TRPV3: variants seen among roughly 807,000 people sequenced by gnomAD.
The protein encoded by TRPV3 is transient receptor potential cation channel subfamily V member 3.
A neutral mutation model predicts 87.1 loss-of-function variants in TRPV3; 88 were observed. That is an observed-to-expected ratio of 1.01 (90% CI 0.85 to 1.21). The LOEUF (loss-of-function observed/expected upper bound fraction) is 1.21, where lower values mean the gene tolerates loss of function less well. Among genes scored for constraint, TRPV3 ranks in the 50% most tolerant of loss-of-function variants. TRPV3 has a pLI of 0.00. For missense variants in TRPV3, 1,054 were observed against 1,030.1 expected, an observed-to-expected ratio of 1.02 and a Z score of -0.32; for synonymous variants, 438 against 423.3, an observed-to-expected ratio of 1.03 and a Z score of -0.43.
rs1239185787 is a variant in TRPV3, at chr17:3,556,186, G to A, written c.-2-1334C>T. 1.1e-4 allele frequency among the ~76,000 whole-genome samples: 15 copies of A among 139,758 alleles called. No individual in the cohort carries two copies. Among genetic ancestry groups the A allele is most frequent in the South Asian group, 2.3e-4 (1 of 4,422 alleles). The allele number at this position is 139,758 out of a possible 152,430, so 91.7% of individuals were successfully genotyped here. On this transcript the variant is annotated intron_variant, in intron 1 of 17. Transcript: ENST00000576742. The surrounding 1 kb of genome is among the most constrained non-coding windows in gnomAD (Gnocchi z 4.2). ...AGCGAGACTCCGTCTCAAAAAAAATGAAAAAAAAAAAAAATAAAGTTTTTA... is the reference window on the plus strand; with the variant it reads ...AGCGAGACTCCGTCTCAAAAAAAATAAAAAAAAAAAAAAATAAAGTTTTTA...
intron 7 of TRPV3, 137 bp from the exon 8 acceptor site, chr17:3,533,074 T>G: frequency 3.0e-6 from 3 of 998,462 alleles, no homozygotes; most frequent in Non-Finnish European, 4.4e-6. Context: ...CATCTTCCGC[T>G]TCTACGGGGA....
At chr17:3,537,050 G>C (rs1055640473) in intron 6 of TRPV3, among the ~76,000 whole-genome samples, 1 of 152,174 alleles carries the variant, frequency 6.6e-6, no homozygotes, top group East Asian at 1.9e-4. Flanking sequence ...GATCCAAAAG[G>C]CAGAAACCAT....
At position 3,516,456 on chromosome 17, in the gene TRPV3, C is replaced by T; in HGVS notation, c.2198+1G>A. 4 of 1,613,558 alleles carry T rather than the reference C, an allele frequency of 2.5e-6. No individual in the cohort carries two copies. Among genetic ancestry groups the T allele is most frequent in the Non-Finnish European group, 3.4e-6 (4 of 1,179,496 alleles). On this transcript the variant is annotated splice_donor_variant, in intron 16 of 17. Coordinates refer to ENST00000576742, the MANE Select transcript of TRPV3 (RefSeq NM_145068.4). LOFTEE classifies it high-confidence loss of function. ...CCCCAGGGCCCTTCTCCCTTTGTTA[C>T]CGCAAACACAGTCGGAAATCATCCT... is the stretch of plus-strand genomic sequence containing the variant.
intron 4 of TRPV3, 84 bp downstream of exon 4, chr17:3,544,495 C>T: frequency 1.2e-6 from 1 of 826,118 alleles, no homozygotes; most frequent in East Asian, 2.8e-5. Flanking sequence ...ATTCTTTCTC[C>T]TTCCTGCAGG....
At chr17:3,527,240 C>T (rs1035037876) in intron 11 of TRPV3, among the ~76,000 whole-genome samples, 39 of 152,194 alleles carry the variant, frequency 2.6e-4, no homozygotes, top group African/African-American at 9.4e-4. Flanking sequence ...GTTCCAGCCT[C>T]CGAGCCTTTG....
intron 7 of TRPV3, among the ~76,000 whole-genome samples, chr17:3,534,492 A>T (rs1450655347): frequency 6.6e-6 from 1 of 152,202 alleles, no homozygotes; most frequent in Non-Finnish European, 1.5e-5. Context: ...CCTCTGCAAC[A>T]AAGTTACACA....
intron 2 of TRPV3, chr17:3,546,610 A>T (rs985141774): frequency 2.9e-5 from 13 of 455,352 alleles, no homozygotes; most frequent in African/African-American, 2.6e-4. Context: ...CCCCTTGGAG[A>T]CATGTGGCTT....
In TRPV3 at chr17:3,530,592, C is replaced by G. The variant is rs59095675; in HGVS notation, c.1066-389G>C. 0.11 allele frequency among the ~76,000 whole-genome samples: 16,676 copies of G among 152,154 alleles called. 2,616 individuals are homozygous for G. The highest frequency in any genetic ancestry group is 0.35 in the African/African-American group (14,364 of 41,438). ...CTTGAGAAGAAGCCAGAAGTGTTCT[C>G]AGCGTCCCCAGCCCACCCTAAGCCA... On this transcript the variant is annotated intron_variant, in intron 8 of 17. Transcript: ENST00000576742. The surrounding 1 kb of genome is among the most constrained non-coding windows in gnomAD (Gnocchi z 4.0).
intron 2 of TRPV3, among the ~76,000 whole-genome samples, chr17:3,545,513 T>C (rs2074515514): frequency 6.6e-6 from 1 of 152,150 alleles, no homozygotes; most frequent in Admixed American, 6.5e-5. Flanking sequence ...AGAAAAGGAC[T>C]GAGGCGAACC....
chr17:3,520,624 G>C (rs941395555), intron 14 of TRPV3, among the ~76,000 whole-genome samples: 3 of 152,086 alleles, frequency 2.0e-5, no homozygotes, highest in Non-Finnish European at 2.9e-5. Flanking sequence ...CCTTATGATC[G>C]GGGTGATGAT....
At chr17:3,525,644 T>C (rs922620869) in intron 12 of TRPV3, among the ~76,000 whole-genome samples, 2 of 150,532 alleles carry the variant, frequency 1.3e-5, no homozygotes, top group Non-Finnish European at 3.0e-5. Flanking sequence ...TTTTGAGATG[T>C]AGTCTCACTC....
chr17:3,543,745 T>C (rs1336000963), intron 4 of TRPV3, 117 bp from the exon 5 acceptor site: 9 of 1,368,236 alleles, frequency 6.6e-6, no homozygotes, highest in African/African-American at 1.4e-5. Flanking sequence ...CTCCCATGCC[T>C]GTCACAATGC....
intron 6 of TRPV3, among the ~76,000 whole-genome samples, chr17:3,536,460 T>C (rs2074410277): frequency 6.6e-6 from 1 of 152,108 alleles, no homozygotes; most frequent in Admixed American, 6.5e-5. Flanking sequence ...TGGGGGCGCA[T>C]GCCTGTAATC....
Position 3,530,039 on chromosome 17 carries a change from G to A in TRPV3, c.1230C>T (p.Asn410=), listed in dbSNP as rs2074334780. The change falls in exon 9 of 18, where the codon AAC becomes AAT. Residue 410 remains asparagine, a synonymous_variant. Coordinates refer to ENST00000576742, the MANE Select transcript of TRPV3 (RefSeq NM_145068.4). The surrounding 1 kb of genome is among the most constrained non-coding windows in gnomAD (Gnocchi z 4.0). ...DNSVLEITVY[N]TNIDNRHEML... Reference sequence around the variant, plus strand: ...GCAGGAGACCCACGTCGATGTTGGTGTTGTAGACAGTGATTTCCAGCACTG... The same window carrying A: ...GCAGGAGACCCACGTCGATGTTGGTATTGTAGACAGTGATTTCCAGCACTG... 1 of 1,613,518 alleles carries A rather than the reference G, an allele frequency of 6.2e-7. No individual in the cohort carries two copies. Among genetic ancestry groups the A allele is most frequent in the Admixed American group, 1.7e-5 (1 of 59,972 alleles).
Position 3,512,723 on chromosome 17 carries a change from C to T in TRPV3, c.*1194G>A, listed in dbSNP as rs2074129917. 1 of 152,008 alleles carries T rather than the reference C, an allele frequency of 6.6e-6. No individual in the cohort carries two copies. The highest frequency in any genetic ancestry group is 2.4e-5 in the African/African-American group (1 of 41,372). The allele number at this position is 152,008 out of a possible 1,614,324, so 9.4% of individuals were successfully genotyped here. A position where few individuals can be genotyped will look rare whatever the true frequency, so the allele number is the denominator to read the frequency against. ...CCGTGTCATTTCAGAAAGAGAACAT[C>T]AGAGGACGAGGACCTAAAAATAAGC... On this transcript the variant is annotated 3_prime_UTR_variant, in exon 18 of 18. Coordinates refer to ENST00000576742, the MANE Select transcript of TRPV3 (RefSeq NM_145068.4).
In TRPV3 at chr17:3,530,245, G is replaced by C; in HGVS notation, c.1066-42C>G. ...AACAACCATCAGCTGCAGAACAGGG[G>C]CTTAAGGCCAACAGGGCTGGACCAG... is the stretch of plus-strand genomic sequence containing the variant. On this transcript the variant is annotated intron_variant, in intron 8 of 17. Transcript: ENST00000576742. This position sits in a 1 kb window ranked among gnomAD's most constrained non-coding sequence, Gnocchi z 4.0. 1 of 1,580,918 alleles carries C rather than the reference G, an allele frequency of 6.3e-7. No individual in the cohort carries two copies. Among genetic ancestry groups the C allele is most frequent in the South Asian group, 1.2e-5 (1 of 84,686 alleles).
intron 2 of TRPV3, among the ~76,000 whole-genome samples, chr17:3,546,968 A>AAAAAAAAAAAAC (rs1470066968): frequency 1.3e-5 from 1 of 78,218 alleles, no homozygotes; most frequent in South Asian, 3.4e-4. Flanking sequence ...ACTCCTTCTC[A>AAAAAAAAAAAAC]AAAAAAAAAA....
At chr17:3,524,630 G>A (rs1353650898) in intron 12 of TRPV3, among the ~76,000 whole-genome samples, 1 of 151,964 alleles carries the variant, frequency 6.6e-6, no homozygotes, top group Admixed American at 6.6e-5. Flanking sequence ...CATCCACAGG[G>A]CCGCAGAAGA....
At chr17:3,527,183 C>A (rs541569326) in intron 11 of TRPV3, among the ~76,000 whole-genome samples, 6 of 152,256 alleles carry the variant, frequency 3.9e-5, no homozygotes, top group East Asian at 1.9e-4. Context: ...ACCTGCAAAG[C>A]GGTACTACCA....
Sources: allele counts gnomAD v4.1 joint callset (sites outside exome capture counted in the v4.1 genomes callset), GRCh38; gene constraint gnomAD v4.1.1; non-coding constraint Gnocchi (gnomAD v3.1); transcripts MANE v1.5; gene names NCBI Gene and HGNC (gene_info 2026-07-23, HGNC 2026-07-21).